The following TMEM132D variants were observed in gnomAD, a reference collection of about 807,000 sequenced individuals.
The protein encoded by TMEM132D is transmembrane protein 132D.
TMEM132D carries 21 observed loss-of-function variants against 62.3 expected under a neutral mutation model. The ratio of observed to expected loss-of-function variants is 0.34; its 90% confidence interval spans 0.24 to 0.49. TMEM132D has a LOEUF of 0.49. TMEM132D is among the 20% of genes least tolerant of loss of function. The pLI, the probability that TMEM132D is intolerant of heterozygous loss-of-function variation, is 0.99. For missense variants in TMEM132D, 1,346 were observed against 1,402.8 expected (o/e 0.96, Z 0.65); for synonymous variants, 621 against 575.6 (o/e 1.08, Z -1.13).
intron 3 of TMEM132D, among the ~76,000 whole-genome samples, chr12:129,480,889 G>T (rs1219790976): frequency 6.6e-6 from 1 of 152,216 alleles, no homozygotes; most frequent in Non-Finnish European, 1.5e-5. Flanking sequence ...ACATGGGCAA[G>T]AATTTTCACT....
At chr12:129,475,320 A>G (rs1874224835) in intron 3 of TMEM132D, among the ~76,000 whole-genome samples, 1 of 152,188 alleles carries the variant, frequency 6.6e-6, no homozygotes, top group Admixed American at 6.5e-5. Context: ...CCACAGTGAG[A>G]GCAGTGGGAT....
chr12:129,672,315 T>C (rs949541898), intron 2 of TMEM132D, among the ~76,000 whole-genome samples: 1 of 152,148 alleles, frequency 6.6e-6, no homozygotes, highest in Non-Finnish European at 1.5e-5. Context: ...CTGCGCACTC[T>C]CATTTCCTAT....
At chr12:129,685,893 C>T (rs571910001) in intron 2 of TMEM132D, among the ~76,000 whole-genome samples, 5 of 152,152 alleles carry the variant, frequency 3.3e-5, no homozygotes, top group Admixed American at 6.5e-5. Flanking sequence ...GATTAATTAC[C>T]GCTTCATTGG....
At chr12:129,642,037 A>G (rs950933360) in intron 2 of TMEM132D, among the ~76,000 whole-genome samples, 1 of 152,066 alleles carries the variant, frequency 6.6e-6, no homozygotes, top group African/African-American at 2.4e-5. Context: ...GCAGCAGTTC[A>G]GAAGTGTGGG....
At chr12:129,384,768 G>A (rs773803254) in intron 3 of TMEM132D, among the ~76,000 whole-genome samples, 1 of 152,090 alleles carries the variant, frequency 6.6e-6, no homozygotes, top group Non-Finnish European at 1.5e-5. Flanking sequence ...ACACGTACGC[G>A]ACAGTCTGTG....
At chr12:129,304,492 C>A (rs770030265) in intron 4 of TMEM132D, among the ~76,000 whole-genome samples, 1 of 152,062 alleles carries the variant, frequency 6.6e-6, no homozygotes, top group South Asian at 2.1e-4. Flanking sequence ...TCCTACAATA[C>A]CATGCAAAGT....
intron 3 of TMEM132D, among the ~76,000 whole-genome samples, chr12:129,506,829 C>G (rs898811056): frequency 6.6e-6 from 1 of 152,212 alleles, no homozygotes; most frequent in Non-Finnish European, 1.5e-5. Context: ...AACCCAAAAG[C>G]AAATGCAATA....
At chr12:129,664,415 A>C (rs1880320030) in intron 2 of TMEM132D, among the ~76,000 whole-genome samples, 1 of 141,694 alleles carries the variant, frequency 7.1e-6, no homozygotes, top group Admixed American at 8.0e-5. Context: ...TTCTACAATT[A>C]CAAGAATTTT....
intron 3 of TMEM132D, among the ~76,000 whole-genome samples, chr12:129,419,730 T>A (rs1469272355): frequency 2.6e-5 from 4 of 152,200 alleles, no homozygotes; most frequent in Non-Finnish European, 5.9e-5. Context: ...TTGTGATGTC[T>A]TTACTGCATC....
chr12:129,425,978 T>C (rs1403376345), intron 3 of TMEM132D, among the ~76,000 whole-genome samples: 1 of 152,204 alleles, frequency 6.6e-6, no homozygotes, highest in East Asian at 1.9e-4. Context: ...GAATAGGATG[T>C]TGCTATGGGT....
intron 5 of TMEM132D, among the ~76,000 whole-genome samples, chr12:129,151,722 A>G (rs1877077945): frequency 1.3e-5 from 2 of 152,196 alleles, no homozygotes; most frequent in Non-Finnish European, 2.9e-5. Flanking sequence ...GCTAAAAGGA[A>G]GAGCAGAGGG....
intron 5 of TMEM132D, among the ~76,000 whole-genome samples, chr12:129,172,953 G>A (rs1319773929): frequency 6.6e-6 from 1 of 152,146 alleles, no homozygotes; most frequent in Non-Finnish European, 1.5e-5. Flanking sequence ...ATGGTGGGTT[G>A]GTGGAGCAGT....
intron 6 of TMEM132D, among the ~76,000 whole-genome samples, chr12:129,083,720 C>T (rs1396653188): frequency 2.6e-5 from 4 of 152,222 alleles, no homozygotes; most frequent in South Asian, 4.1e-4. Context: ...TTCCTTGTCT[C>T]ATAATGCATA....
At chr12:129,681,266 A>T (rs1400036180) in intron 2 of TMEM132D, among the ~76,000 whole-genome samples, 1 of 152,116 alleles carries the variant, frequency 6.6e-6, no homozygotes, top group Non-Finnish European at 1.5e-5. Flanking sequence ...CTACTATGAA[A>T]CCCAGTGGTT....
At chr12:129,843,519 T>C (rs1873264148) in intron 1 of TMEM132D, among the ~76,000 whole-genome samples, 1 of 152,184 alleles carries the variant, frequency 6.6e-6, no homozygotes, top group African/African-American at 2.4e-5. Context: ...TATTGACAGA[T>C]TATTTATGCA....
At chr12:129,136,946 C>T (rs936118506) in intron 5 of TMEM132D, among the ~76,000 whole-genome samples, 1 of 146,420 alleles carries the variant, frequency 6.8e-6, no homozygotes, top group Non-Finnish European at 1.5e-5. Context: ...ATCATCGCCA[C>T]CATCATCACC....
chr12:129,873,463 T>C (rs1347779898), intron 1 of TMEM132D, among the ~76,000 whole-genome samples: 1 of 152,078 alleles, frequency 6.6e-6, no homozygotes, highest in African/African-American at 2.4e-5. Flanking sequence ...AAACAAACAA[T>C]AGGAATTTAA....
chr12:129,658,454 G>T (rs1880151862), intron 2 of TMEM132D, among the ~76,000 whole-genome samples: 1 of 152,086 alleles, frequency 6.6e-6, no homozygotes, highest in African/African-American at 2.4e-5. Context: ...TGCTATAAAT[G>T]CGGCCTCTAC....
rs1230923824 is a variant in TMEM132D, at chr12:129,791,185, C to A, written c.80-90487G>T. Among the ~76,000 whole-genome samples the A allele has an allele frequency of 5.3e-5, 8 of 152,082 alleles. No individual in the cohort carries two copies. In the East Asian group the frequency reaches 1.5e-3, roughly 29 times the overall value. On this transcript the variant is annotated intron_variant, in intron 1 of 8. Coordinates refer to ENST00000422113, the MANE Select transcript of TMEM132D (RefSeq NM_133448.3). ...TAGGAGTGTCTGGTCAGAGGCAGGG[C>A]AGACAAGAGGAGGAAATCAGCAGGT...
Sources: allele counts gnomAD v4.1 joint callset (sites outside exome capture counted in the v4.1 genomes callset), GRCh38; gene constraint gnomAD v4.1.1; transcripts MANE v1.5; gene names NCBI Gene and HGNC (gene_info 2026-07-23, HGNC 2026-07-21).